Variants in CNTN5 observed in about 807,000 individuals in gnomAD.
The protein encoded by CNTN5 is contactin 5.
Under a neutral mutation model 129.1 loss-of-function variants are expected in CNTN5, and 77 were observed. The ratio of observed to expected loss-of-function variants is 0.60; its 90% CI spans 0.50 to 0.72. CNTN5 has a LOEUF of 0.72. CNTN5 is among the 30% of genes least tolerant of loss of function. The pLI, the probability that CNTN5 is intolerant of heterozygous loss-of-function variation, is 0.00. For synonymous variants in CNTN5, 509 were observed against 465.6 expected (o/e 1.09, Z -1.20); for missense variants, 1,478 against 1,328.8 (o/e 1.11, Z -1.75).
chr11:99,926,424 C>A (rs1037095995), intron 7 of CNTN5, among the ~76,000 whole-genome samples: 2 of 151,948 alleles, frequency 1.3e-5, no homozygotes, highest in Non-Finnish European at 2.9e-5. Flanking sequence ...AAATAAATAC[C>A]AGAAATTGTT....
At chr11:99,607,942 GA>G (rs558280605) in intron 3 of CNTN5, among the ~76,000 whole-genome samples, 169 of 110,286 alleles carry the variant, frequency 1.5e-3, no homozygotes, top group African/African-American at 6.0e-3. Context: ...ACACTCTGGG[GA>G]CTGTGGTGGG....
intron 1 of CNTN5, among the ~76,000 whole-genome samples, chr11:99,316,361 T>G (rs534408042): frequency 6.6e-6 from 1 of 152,152 alleles, no homozygotes; most frequent in Non-Finnish European, 1.5e-5. Context: ...AAATCACAGA[T>G]TTTTAGAGGG....
chr11:99,149,698 C>T (rs1859953353), intron 1 of CNTN5, among the ~76,000 whole-genome samples: 1 of 151,918 alleles, frequency 6.6e-6, no homozygotes, highest in African/African-American at 2.4e-5. Flanking sequence ...CAAAATCCCA[C>T]ACTGCTTCTA....
chr11:99,447,784 G>C (rs1188636291), intron 2 of CNTN5, among the ~76,000 whole-genome samples: 2 of 152,142 alleles, frequency 1.3e-5, no homozygotes, highest in African/African-American at 2.4e-5. Context: ...AACTAGCTGG[G>C]TGTCGTGGTG....
At chr11:100,297,747 G>A (rs1289908167) in intron 19 of CNTN5, 52 bp downstream of exon 19, 24 of 1,322,888 alleles carry the variant, frequency 1.8e-5, no homozygotes, top group Non-Finnish European at 2.6e-5. Flanking sequence ...GTTTGGCTTA[G>A]TGTGATATTT....
At chr11:99,874,056 T>C (rs942385509) in intron 6 of CNTN5, among the ~76,000 whole-genome samples, 1 of 152,074 alleles carries the variant, frequency 6.6e-6, no homozygotes, top group African/African-American at 2.4e-5. Flanking sequence ...CTCTGGGAAC[T>C]CTGAAAGAGG....
At chr11:100,050,836 A>C (rs2137739027) in intron 9 of CNTN5, among the ~76,000 whole-genome samples, 1 of 152,206 alleles carries the variant, frequency 6.6e-6, no homozygotes, top group African/African-American at 2.4e-5. Context: ...GTGTTGCCTA[A>C]GATAAGGATG....
chr11:100,315,121 T>C (rs1049242487), intron 21 of CNTN5, among the ~76,000 whole-genome samples: 1 of 152,130 alleles, frequency 6.6e-6, no homozygotes, highest in Non-Finnish European at 1.5e-5. Flanking sequence ...GCTGATAACT[T>C]GGTTTTGATA....
At chr11:99,173,941 A>G (rs1014119443) in intron 1 of CNTN5, among the ~76,000 whole-genome samples, 5 of 152,152 alleles carry the variant, frequency 3.3e-5, no homozygotes, top group Non-Finnish European at 7.3e-5. Context: ...GGTTAAATCT[A>G]TAGAACTCAG....
chr11:100,351,515 C>G (rs899677525), intron 24 of CNTN5, among the ~76,000 whole-genome samples: 2 of 151,094 alleles, frequency 1.3e-5, no homozygotes, highest in Non-Finnish European at 3.0e-5. Flanking sequence ...AGTTTCGGAA[C>G]CAGGATCAAA....
intron 1 of CNTN5, among the ~76,000 whole-genome samples, chr11:99,283,472 G>A (rs1863792549): frequency 6.6e-6 from 1 of 151,750 alleles, no homozygotes; most frequent in South Asian, 2.1e-4. Context: ...AGAGTTGTAG[G>A]AAAAAGATCT....
chr11:99,300,460 A>G (rs549823821), intron 1 of CNTN5, among the ~76,000 whole-genome samples: 9 of 152,180 alleles, frequency 5.9e-5, no homozygotes, highest in African/African-American at 2.2e-4. Context: ...CATACCTGGA[A>G]TAAACCCATT....
At chr11:99,033,427 G>C (rs999063739) in intron 1 of CNTN5, among the ~76,000 whole-genome samples, 1 of 152,010 alleles carries the variant, frequency 6.6e-6, no homozygotes, top group Admixed American at 6.6e-5. Context: ...ATTTGTTTGT[G>C]TCCTCTTTTA....
chr11:99,740,180 T>G (rs78092686), intron 3 of CNTN5, among the ~76,000 whole-genome samples: 1,822 of 152,278 alleles, frequency 0.012, 18 homozygotes, highest in Non-Finnish European at 0.019. Flanking sequence ...TTATTTTTTG[T>G]TATTAACTAG....
At chr11:99,269,745 T>A (rs1028371081) in intron 1 of CNTN5, among the ~76,000 whole-genome samples, 12 of 151,916 alleles carry the variant, frequency 7.9e-5, no homozygotes, top group Non-Finnish European at 1.8e-4. Context: ...AAGTCATCTA[T>A]AATATTATAA....
chr11:99,534,273 C>T (rs1285237717), intron 2 of CNTN5, among the ~76,000 whole-genome samples: 1 of 152,144 alleles, frequency 6.6e-6, no homozygotes, highest in Admixed American at 6.6e-5. Flanking sequence ...ATTAATTTGA[C>T]AGGAGCTATG....
chr11:100,285,384 C>T (rs570960062), intron 18 of CNTN5, among the ~76,000 whole-genome samples: 1 of 152,264 alleles, frequency 6.6e-6, no homozygotes, highest in South Asian at 2.1e-4. Flanking sequence ...ATCCAGCCCA[C>T]TAGAACAACA....
chr11:99,990,811 C>A (rs11222244), intron 8 of CNTN5, among the ~76,000 whole-genome samples: 57,430 of 151,624 alleles, frequency 0.38, 12,266 homozygotes, highest in African/African-American at 0.59. Flanking sequence ...ATACAGTTAC[C>A]TACAAAGATA....
chr11:100,351,766 A>G (rs1952420618), intron 24 of CNTN5, among the ~76,000 whole-genome samples: 1 of 151,484 alleles, frequency 6.6e-6, no homozygotes, highest in Non-Finnish European at 1.5e-5. Flanking sequence ...TTAGTGGGTA[A>G]TTAGGAACAT....
Sources: gnomAD v4.1 joint callset for allele counts (sites outside exome capture counted in the v4.1 genomes callset) on GRCh38, gnomAD v4.1.1 for gene constraint, MANE v1.5 for transcripts, NCBI Gene and HGNC (gene_info 2026-07-23, HGNC 2026-07-21) for gene names.